Variants in SPG21 observed in about 807,000 individuals in gnomAD.
SPG21 encodes the protein SPG21 abhydrolase domain containing, maspardin.
SPG21 carries 26 observed loss-of-function variants against 38.9 expected under a neutral mutation model. That is an observed-to-expected ratio of 0.67 (90% CI 0.49 to 0.93). SPG21 has a LOEUF of 0.93. Among genes scored for constraint, SPG21 ranks in the 40% least tolerant of loss-of-function variants. SPG21 has a pLI of 0.00. For missense variants in SPG21, 333 were observed against 376.5 expected, an observed-to-expected ratio of 0.88 and a Z score of 0.96; for synonymous variants, 136 against 128.9, an observed-to-expected ratio of 1.05 and a Z score of -0.37.
chr15:64,978,197 C>T (rs2085821981), intron 3 of SPG21, among the ~76,000 whole-genome samples: 2 of 151,500 alleles, frequency 1.3e-5, no homozygotes, highest in African/African-American at 4.8e-5. Context: ...CTTGCAATCC[C>T]AGCGCTTTGG....
At position 64,966,985 on chromosome 15, in the gene SPG21, AT is replaced by A. The variant is rs111640564; in HGVS notation, c.670-1526del. On this transcript the variant is annotated intron_variant, in intron 7 of 8. Transcript: ENST00000204566. Reference sequence around the variant, plus strand: ...ATTTATAAGGCAAAATAATCATATGATTTTTTTTTAAGTAAATTGAAACCAT... The same window carrying A: ...ATTTATAAGGCAAAATAATCATATGATTTTTTTTAAGTAAATTGAAACCAT... Among the ~76,000 whole-genome samples the A allele has an allele frequency of 7.9e-3, 1,195 of 151,778 alleles. 52 individuals carry two copies. The South Asian group carries it at 0.12, about 16-fold the overall frequency.
At chr15:64,967,022 C>T (rs1246145795) in intron 7 of SPG21, among the ~76,000 whole-genome samples, 1 of 151,314 alleles carries the variant, frequency 6.6e-6, no homozygotes, top group African/African-American at 2.4e-5. Flanking sequence ...AGTGAGATAC[C>T]AATTCATATC....
intron 8 of SPG21, among the ~76,000 whole-genome samples, chr15:64,964,647 T>G (rs971795890): frequency 6.6e-6 from 1 of 152,132 alleles, no homozygotes; most frequent in South Asian, 2.1e-4. Flanking sequence ...TTCTTTTTTT[T>G]TGAGACGGAG....
chr15:64,973,477 G>C (rs895384826), intron 5 of SPG21, among the ~76,000 whole-genome samples: 1 of 151,890 alleles, frequency 6.6e-6, no homozygotes, highest in African/African-American at 2.4e-5. Flanking sequence ...TTGAGATGGA[G>C]TTTCGCTCCT....
At position 64,965,308 on chromosome 15, in the gene SPG21, G is replaced by C; in HGVS notation, c.810+12C>G. Reference sequence around the variant, plus strand: ...GGGCTCAGAGTGCTCTGGGTTTCAAGCTAGGCCTTACCTGTACATAAAGAT... The same window carrying C: ...GGGCTCAGAGTGCTCTGGGTTTCAACCTAGGCCTTACCTGTACATAAAGAT... On this transcript the variant is annotated intron_variant, in intron 8 of 8. Coordinates refer to ENST00000204566, the MANE Select transcript of SPG21 (RefSeq NM_016630.7). 1 of 1,614,178 alleles carries C rather than the reference G, an allele frequency of 6.2e-7. No individual in the cohort carries two copies. Among genetic ancestry groups the C allele is most frequent in the South Asian group, 1.1e-5 (1 of 91,082 alleles).
intron 4 of SPG21, among the ~76,000 whole-genome samples, chr15:64,976,251 C>T (rs2085769488): frequency 1.3e-5 from 2 of 151,818 alleles, no homozygotes; most frequent in East Asian, 3.9e-4. Context: ...CTGGCGAAAC[C>T]CCATCTTTAC....
At chr15:64,979,310 C>G (rs942798226) in intron 3 of SPG21, among the ~76,000 whole-genome samples, 7 of 152,186 alleles carry the variant, frequency 4.6e-5, no homozygotes, top group South Asian at 4.1e-4. Context: ...CGGTTTCCCC[C>G]TCCCTGGCTG....
intron 3 of SPG21, 92 bp downstream of exon 3, chr15:64,980,772 C>G (rs2085868143): frequency 2.2e-6 from 3 of 1,342,966 alleles, no homozygotes; most frequent in Non-Finnish European, 3.1e-6. Flanking sequence ...AACAAACAAA[C>G]TGTGCCCATT....
chr15:64,980,740 C>T (rs2085867376), intron 3 of SPG21, 124 bp downstream of exon 3: 1 of 261,816 alleles, frequency 3.8e-6, no homozygotes, highest in South Asian at 3.5e-5. Flanking sequence ...TCCATCTCAA[C>T]AAACAAACAA....
chr15:64,968,873 C>T (rs2085602761), intron 7 of SPG21, among the ~76,000 whole-genome samples: 1 of 151,962 alleles, frequency 6.6e-6, no homozygotes, highest in African/African-American at 2.4e-5. Context: ...GGTAGACTCC[C>T]TTGTTTAAAT....
chr15:64,971,314 C>T (rs1449788931), intron 5 of SPG21, among the ~76,000 whole-genome samples: 1 of 150,214 alleles, frequency 6.7e-6, no homozygotes, highest in African/African-American at 2.5e-5. Flanking sequence ...CCAAGGTGGG[C>T]AGATCACGAG....
rs532201396 is a variant in SPG21 at position 64,988,245 on chromosome 15, A to G, written c.-25+1420T>C. Among the ~76,000 whole-genome samples the G allele has an allele frequency of 1.2e-4, 19 of 152,166 alleles. 1 individual carries two copies. Among genetic ancestry groups the G allele is most frequent in the African/African-American group, 4.6e-4 (19 of 41,486 alleles). ...TCAAAAAACAAACAAACAAACAAACAAAAAAACCTGCCAGTTGTGACTATG... is the reference window on the plus strand; with the variant it reads ...TCAAAAAACAAACAAACAAACAAACGAAAAAACCTGCCAGTTGTGACTATG... On this transcript the variant is annotated intron_variant, in intron 1 of 8. Coordinates refer to ENST00000204566, the MANE Select transcript of SPG21 (RefSeq NM_016630.7).
intron 3 of SPG21, 104 bp downstream of exon 3, chr15:64,980,757 AAAC>A: frequency 1.5e-6 from 2 of 1,318,446 alleles, no homozygotes; most frequent in Non-Finnish European, 2.1e-6. Flanking sequence ...ACAAACAAAC[AAAC>A]AAACAAACAA....
intron 1 of SPG21, 63 bp downstream of exon 1, chr15:64,989,602 C>G (rs74791324): frequency 6.5e-6 from 1 of 153,984 alleles, no homozygotes; most frequent in Non-Finnish European, 1.4e-5. Flanking sequence ...GCGCCACACA[C>G]ACACACCTAC....
intron 3 of SPG21, among the ~76,000 whole-genome samples, 190 bp from the exon 4 acceptor site, chr15:64,976,745 A>C (rs1405875255): frequency 6.6e-6 from 1 of 152,206 alleles, no homozygotes; most frequent in Non-Finnish European, 1.5e-5. Context: ...TAACAGACCA[A>C]ATTAAAAGAG....
intron 5 of SPG21, 116 bp downstream of exon 5, chr15:64,974,486 C>T: frequency 7.8e-7 from 1 of 1,282,094 alleles, no homozygotes; most frequent in Non-Finnish European, 1.1e-6. Flanking sequence ...AAAAAAAAGC[C>T]AAGGAAGTTG....
At chr15:64,977,280 G>C (rs1326029086) in intron 3 of SPG21, among the ~76,000 whole-genome samples, 1 of 152,146 alleles carries the variant, frequency 6.6e-6, no homozygotes, top group Non-Finnish European at 1.5e-5. Context: ...GGCCAGGCTA[G>C]TCTCGAACTC....
chr15:64,980,588 A>C (rs983198895), intron 3 of SPG21, among the ~76,000 whole-genome samples: 1 of 152,018 alleles, frequency 6.6e-6, no homozygotes, highest in Non-Finnish European at 1.5e-5. Flanking sequence ...AATACAAAAA[A>C]TTAGCTGGGC....
intron 2 of SPG21, 114 bp from the exon 3 acceptor site, chr15:64,981,139 G>A: frequency 7.8e-7 from 1 of 1,290,276 alleles, no homozygotes; most frequent in Non-Finnish European, 1.1e-6. Flanking sequence ...TTGTTACAAG[G>A]TAACCTGGAG....
Sources: gnomAD v4.1 joint callset for allele counts (sites outside exome capture counted in the v4.1 genomes callset) on GRCh38, gnomAD v4.1.1 for gene constraint, MANE v1.5 for transcripts, NCBI Gene and HGNC (gene_info 2026-07-23, HGNC 2026-07-21) for gene names.